Variants in DLGAP2 observed in about 807,000 individuals in gnomAD.
The protein encoded by DLGAP2 is DLG associated protein 2, also known as disks large-associated protein 2.
DLGAP2 carries 26 observed loss-of-function variants against 100.3 expected under a neutral mutation model. The observed-to-expected ratio is 0.26, with a 90% confidence interval of 0.19 to 0.36. The LOEUF (loss-of-function observed/expected upper bound fraction) is 0.36. Among genes scored for constraint, DLGAP2 ranks in the 10% least tolerant of loss-of-function variants. The pLI, the probability that DLGAP2 is intolerant of heterozygous loss-of-function variation, is 1.00. For missense variants in DLGAP2, 1,858 were observed against 1,453.2 expected, an observed-to-expected ratio of 1.28 and a Z score of -4.53; for synonymous variants, 886 against 630.1, an observed-to-expected ratio of 1.41 and a Z score of -6.08.
At chr8:935,869 T>C (rs1265984226) in intron 2 of DLGAP2, among the ~76,000 whole-genome samples, 1 of 152,202 alleles carries the variant, frequency 6.6e-6, no homozygotes, top group Non-Finnish European at 1.5e-5. Flanking sequence ...TTTTATGTGG[T>C]TATTATTAAA....
intron 2 of DLGAP2, among the ~76,000 whole-genome samples, chr8:1,201,316 G>A (rs1285776217): frequency 6.6e-6 from 1 of 152,178 alleles, no homozygotes; most frequent in Non-Finnish European, 1.5e-5. Flanking sequence ...GGCCCTCAGC[G>A]ACCCTGGAAC....
At chr8:1,379,194 A>G (rs962724142) in intron 3 of DLGAP2, among the ~76,000 whole-genome samples, 4 of 152,246 alleles carry the variant, frequency 2.6e-5, no homozygotes, top group Admixed American at 2.6e-4. Context: ...ACCCGCTGCC[A>G]TCAGCCCGAG....
chr8:1,663,754 A>G (rs35695725), intron 8 of DLGAP2, among the ~76,000 whole-genome samples: 34,984 of 152,116 alleles, frequency 0.23, 4,480 homozygotes, highest in East Asian at 0.48. Context: ...AATCATCTCA[A>G]GATATTAAAT....
chr8:1,287,204 AGTGT>A (rs142438693), intron 3 of DLGAP2, among the ~76,000 whole-genome samples: 77,959 of 107,756 alleles, frequency 0.72, 27,877 homozygotes, highest in African/African-American at 0.8. Context: ...GTTTTGGTTC[AGTGT>A]GTGTGTGTGT....
At chr8:1,485,329 A>C (rs1021654613) in intron 3 of DLGAP2, among the ~76,000 whole-genome samples, 10 of 152,228 alleles carry the variant, frequency 6.6e-5, no homozygotes, top group African/African-American at 2.4e-4. Flanking sequence ...TTCCACCTAG[A>C]GCATAGGCAG....
In DLGAP2 at chr8:972,925, C is replaced by T. The variant is rs1439089537; in HGVS notation, c.73+64959C>T. ...GACACAGCAGATGTTTCAGAGACCA[C>T]CGTGTTGGGGGTAAGGTCATAGATA... On this transcript the variant is annotated intron_variant, in intron 2 of 14. Transcript: ENST00000637795. Among the ~76,000 whole-genome samples, 21 of 152,188 alleles carry T rather than the reference C, an allele frequency of 1.4e-4. 1 individual carries two copies. The highest frequency in any genetic ancestry group is 1.4e-3 in the Admixed American group (21 of 15,280).
chr8:1,202,114 T>A (rs1224130551), intron 2 of DLGAP2, among the ~76,000 whole-genome samples: 2 of 151,760 alleles, frequency 1.3e-5, no homozygotes, highest in Non-Finnish European at 2.9e-5. Context: ...GTACAGCATC[T>A]GTGTATCTGT....
intron 1 of DLGAP2, among the ~76,000 whole-genome samples, chr8:767,709 G>C (rs1054582998): frequency 9.2e-5 from 14 of 152,168 alleles, no homozygotes; most frequent in African/African-American, 3.4e-4. Context: ...TTAGGGTTGA[G>C]ACATTATATT....
At chr8:1,117,982 T>A (rs1215366214) in intron 2 of DLGAP2, among the ~76,000 whole-genome samples, 2 of 152,224 alleles carry the variant, frequency 1.3e-5, no homozygotes, top group East Asian at 3.8e-4. Flanking sequence ...ATGGAATAGT[T>A]CCAATGAAAT....
intron 2 of DLGAP2, among the ~76,000 whole-genome samples, chr8:948,775 A>T (rs883780): frequency 0.32 from 48,031 of 152,144 alleles, 8,216 homozygotes; most frequent in Admixed American, 0.42. Context: ...GTGGGGAGCC[A>T]GCCTTGTCAG....
At chr8:1,264,488 A>G (rs765017032) in intron 3 of DLGAP2, among the ~76,000 whole-genome samples, 1 of 151,974 alleles carries the variant, frequency 6.6e-6, no homozygotes, top group Non-Finnish European at 1.5e-5. Context: ...AGAAATGCAC[A>G]CTCCAGGTAT....
intron 3 of DLGAP2, among the ~76,000 whole-genome samples, chr8:1,333,812 C>T (rs1308854449): frequency 1.2e-4 from 18 of 152,218 alleles, no homozygotes; most frequent in African/African-American, 4.8e-5. Flanking sequence ...TCCATCTCCA[C>T]CCGAACTTAT....
intron 3 of DLGAP2, among the ~76,000 whole-genome samples, chr8:1,414,521 G>A (rs779376831): frequency 6.6e-6 from 1 of 152,196 alleles, no homozygotes; most frequent in Non-Finnish European, 1.5e-5. Context: ...GAAGCGGAAG[G>A]TGGCGGGGAG....
At chr8:1,531,235 CGTGTGCGTGTGTGTGT>C (rs1250432672) in intron 4 of DLGAP2, among the ~76,000 whole-genome samples, 3 of 140,130 alleles carry the variant, frequency 2.1e-5, no homozygotes, top group East Asian at 2.2e-4. Context: ...TATTAGAGAG[CGTGTGCGTGTGTGTGT>C]GTGTGTGTGT....
At chr8:1,529,109 G>A (rs994181025) in intron 4 of DLGAP2, among the ~76,000 whole-genome samples, 5 of 152,300 alleles carry the variant, frequency 3.3e-5, no homozygotes, top group African/African-American at 1.2e-4. Flanking sequence ...AGGTTTAATT[G>A]ACTCACAGTT....
chr8:972,525 G>C (rs896886544), intron 2 of DLGAP2, among the ~76,000 whole-genome samples: 5 of 152,200 alleles, frequency 3.3e-5, no homozygotes, highest in African/African-American at 1.2e-4. Flanking sequence ...CTAATCATTA[G>C]ACTGGGCATA....
At chr8:1,324,915 A>T (rs1444876931) in intron 3 of DLGAP2, among the ~76,000 whole-genome samples, 1 of 152,210 alleles carries the variant, frequency 6.6e-6, no homozygotes. Context: ...CGTCTTCCAG[A>T]TCGTGCTGAC....
chr8:1,593,271 G>A lies in DLGAP2; in HGVS notation c.1442+27377G>A, dbSNP rs538529143. ...AGATTGAGACCATCCTGGGTAACAC[G>A]GTGCAACCCCGTCTCTACTAAAAAT... is the stretch of plus-strand genomic sequence containing the variant. On this transcript the variant is annotated intron_variant, in intron 6 of 14. Coordinates refer to ENST00000637795, the MANE Select transcript of DLGAP2 (RefSeq NM_001346810.2). 2.6e-4 allele frequency among the ~76,000 whole-genome samples: 39 copies of A among 152,050 alleles called. 1 individual carries two copies. The East Asian group carries it at 7.0e-3, about 27-fold the overall frequency.
At chr8:1,089,988 A>C (rs966830657) in intron 2 of DLGAP2, among the ~76,000 whole-genome samples, 3 of 152,304 alleles carry the variant, frequency 2.0e-5, no homozygotes, top group African/African-American at 7.2e-5. Context: ...TCACACCCTG[A>C]GGACCTGTTT....
Sources: gnomAD v4.1 joint callset for allele counts (sites outside exome capture counted in the v4.1 genomes callset) on GRCh38, gnomAD v4.1.1 for gene constraint, MANE v1.5 for transcripts, NCBI Gene and HGNC (gene_info 2026-07-23, HGNC 2026-07-21) for gene names.